EPHB1: variants seen among roughly 807,000 people sequenced by gnomAD.
EPHB1 encodes the protein EPH receptor B1, also known as ephrin type-B receptor 1.
Under a neutral mutation model 94.4 loss-of-function variants are expected in EPHB1, and 30 were observed. The ratio of observed to expected loss-of-function variants is 0.32; its 90% CI spans 0.24 to 0.43. The LOEUF (loss-of-function observed/expected upper bound fraction) is 0.43. EPHB1 is among the 20% of genes least tolerant of loss of function. EPHB1 has a pLI of 1.00. For missense variants in EPHB1, 1,055 were observed against 1,308.3 expected (o/e 0.81, Z 2.99); for synonymous variants, 522 against 489.1 (o/e 1.07, Z -0.89).
chr3:134,881,650 A>G (rs2037733130), intron 1 of EPHB1, among the ~76,000 whole-genome samples: 1 of 152,220 alleles, frequency 6.6e-6, no homozygotes, highest in African/African-American at 2.4e-5. Context: ...AAGAGGCCTG[A>G]CAAAGGGGTG....
chr3:135,161,342 A>G (rs896181843), intron 6 of EPHB1, among the ~76,000 whole-genome samples: 21 of 152,148 alleles, frequency 1.4e-4, no homozygotes, highest in African/African-American at 5.1e-4. Flanking sequence ...GCTGCTCTGC[A>G]GGGAGAAGGC....
intron 8 of EPHB1, 39 bp downstream of exon 8, chr3:135,166,115 G>T: frequency 6.6e-7 from 1 of 1,525,272 alleles, no homozygotes; most frequent in South Asian, 1.1e-5. Context: ...TTGGACCCAG[G>T]AAGCCCCTCT....
At chr3:135,067,144 G>T (rs540334904) in intron 3 of EPHB1, among the ~76,000 whole-genome samples, 41 of 152,300 alleles carry the variant, frequency 2.7e-4, no homozygotes, top group African/African-American at 9.1e-4. Context: ...GTGGTTTAAT[G>T]TTCTATTTTT....
At chr3:135,257,385 ATGGGTTTTTGGTG>A (rs1933447669) in intron 15 of EPHB1, among the ~76,000 whole-genome samples, 1 of 151,506 alleles carries the variant, frequency 6.6e-6, no homozygotes, top group Non-Finnish European at 1.5e-5. Flanking sequence ...TGATGTACAG[ATGGGTTTTTGGTG>A]TGGATGTCCT....
intron 3 of EPHB1, among the ~76,000 whole-genome samples, chr3:135,035,481 A>T (rs9815942): frequency 2.6e-5 from 4 of 152,070 alleles, no homozygotes; most frequent in Admixed American, 6.5e-5. Flanking sequence ...AATTGGGAAA[A>T]GTGAATTACC....
chr3:134,882,188 C>A (rs1404152110), intron 1 of EPHB1, among the ~76,000 whole-genome samples: 1 of 152,132 alleles, frequency 6.6e-6, no homozygotes, highest in Non-Finnish European at 1.5e-5. Flanking sequence ...GTGAATCAAG[C>A]CTCATCCTAT....
intron 5 of EPHB1, among the ~76,000 whole-genome samples, chr3:135,134,700 T>C (rs1940552402): frequency 6.6e-6 from 1 of 152,220 alleles, no homozygotes; most frequent in African/African-American, 2.4e-5. Context: ...GCATGTAACA[T>C]GGGCAGCCTT....
intron 1 of EPHB1, among the ~76,000 whole-genome samples, chr3:134,847,283 G>A (rs1009678851): frequency 3.9e-5 from 6 of 152,204 alleles, no homozygotes; most frequent in Non-Finnish European, 7.3e-5. Flanking sequence ...CTCACCCTGA[G>A]GCTGGAGGCG....
rs539788070 is a variant in EPHB1, at chr3:135,204,431, C to T, written c.2346+2742C>T. 4.6e-5 allele frequency among the ~76,000 whole-genome samples: 7 copies of T among 152,242 alleles called. No individual in the cohort carries two copies. The East Asian group carries it at 1.4e-3, about 29-fold the overall frequency. ...ATGTTGGCCAGGCTGGTCTCGAACTCTTGACCTCAGTTGATCTGGCCACCT... is the reference window on the plus strand; with the variant it reads ...ATGTTGGCCAGGCTGGTCTCGAACTTTTGACCTCAGTTGATCTGGCCACCT... On this transcript the variant is annotated intron_variant, in intron 12 of 15. Coordinates refer to ENST00000398015, the MANE Select transcript of EPHB1 (RefSeq NM_004441.5).
intron 11 of EPHB1, among the ~76,000 whole-genome samples, chr3:135,200,138 G>T (rs905422887): frequency 4.6e-5 from 7 of 152,198 alleles, no homozygotes; most frequent in Non-Finnish European, 1.0e-4. Context: ...CAGCCCTTTG[G>T]GGAGCATTTG....
At position 135,171,146 on chromosome 3, in the gene EPHB1, T is replaced by G. The variant is rs144625737; in HGVS notation, c.1759+4140T>G. Reference sequence around the variant, plus strand: ...ATTCACATTTGAATTCAGTGATCACTGGGAACCCCCAAAGTTTCATTAAGA... The same window carrying G: ...ATTCACATTTGAATTCAGTGATCACGGGGAACCCCCAAAGTTTCATTAAGA... On this transcript the variant is annotated intron_variant, in intron 9 of 15. Coordinates refer to ENST00000398015, the MANE Select transcript of EPHB1 (RefSeq NM_004441.5). 9.9e-3 allele frequency among the ~76,000 whole-genome samples: 1,508 copies of G among 152,210 alleles called. 13 individuals are homozygous for G. The highest frequency in any genetic ancestry group is 0.027 in the Middle Eastern group (8 of 294).
intron 3 of EPHB1, among the ~76,000 whole-genome samples, chr3:135,089,455 T>C (rs771030478): frequency 1.4e-4 from 22 of 152,390 alleles, no homozygotes; most frequent in Non-Finnish European, 2.5e-4. Context: ...TTGTTATTAA[T>C]ACCAACACAA....
intron 1 of EPHB1, among the ~76,000 whole-genome samples, chr3:134,825,735 T>G (rs2036464666): frequency 6.6e-6 from 1 of 152,192 alleles, no homozygotes; most frequent in Admixed American, 6.5e-5. Context: ...CTATGCTTTC[T>G]CTGCATATTA....
chr3:134,913,754 GC>G (rs1452988497), intron 1 of EPHB1, among the ~76,000 whole-genome samples: 1 of 152,208 alleles, frequency 6.6e-6, no homozygotes, highest in Non-Finnish European at 1.5e-5. Flanking sequence ...AGAGTCAGTG[GC>G]TAGAGCCCCT....
At chr3:135,147,897 TC>T (rs1299204567) in intron 5 of EPHB1, among the ~76,000 whole-genome samples, 1 of 152,230 alleles carries the variant, frequency 6.6e-6, no homozygotes, top group Non-Finnish European at 1.5e-5. Flanking sequence ...AACACTGTTT[TC>T]CCTTTTAGAT....
At chr3:135,252,603 T>C (rs1184589639) in intron 15 of EPHB1, among the ~76,000 whole-genome samples, 2 of 148,116 alleles carry the variant, frequency 1.4e-5, no homozygotes, top group Non-Finnish European at 3.0e-5. Context: ...ATTTTCTTAA[T>C]CCAGTCTATC....
chr3:134,883,647 T>C (rs1427490281), intron 1 of EPHB1, among the ~76,000 whole-genome samples: 3 of 152,222 alleles, frequency 2.0e-5, no homozygotes, highest in Non-Finnish European at 4.4e-5. Context: ...CCTCAAGGTA[T>C]GAGCCCTGAA....
intron 3 of EPHB1, among the ~76,000 whole-genome samples, chr3:135,010,632 T>G (rs959192374): frequency 6.7e-6 from 1 of 150,178 alleles, no homozygotes; most frequent in African/African-American, 2.5e-5. Flanking sequence ...GGCACGATCT[T>G]GGCTCACTGC....
Position 135,166,922 on chromosome 3 carries a change from G to T in EPHB1, c.1695-20G>T. The T allele has an allele frequency of 6.2e-7, 1 of 1,613,770 alleles. No individual in the cohort carries two copies. The highest frequency in any genetic ancestry group is 8.5e-7 in the Non-Finnish European group (1 of 1,179,760). ...GTGGGTGTGCCCTGTGGCTGAGAGAGCCCCTCTTTTTATCCACAGGAAACG... is the reference window on the plus strand; with the variant it reads ...GTGGGTGTGCCCTGTGGCTGAGAGATCCCCTCTTTTTATCCACAGGAAACG... On this transcript the variant is annotated intron_variant, in intron 8 of 15. Transcript: ENST00000398015.
Sources: allele counts gnomAD v4.1 joint callset (sites outside exome capture counted in the v4.1 genomes callset), GRCh38; gene constraint gnomAD v4.1.1; transcripts MANE v1.5; gene names NCBI Gene and HGNC (gene_info 2026-07-23, HGNC 2026-07-21).